PTPRD: variants seen among roughly 807,000 people sequenced by gnomAD.
PTPRD encodes the protein protein tyrosine phosphatase receptor type D, also known as receptor-type tyrosine-protein phosphatase delta.
A neutral mutation model predicts 214.5 loss-of-function variants in PTPRD; 34 were observed. The ratio of observed to expected loss-of-function variants is 0.16; its 90% confidence interval spans 0.12 to 0.21. PTPRD has a LOEUF of 0.21. PTPRD is among the 10% of genes least tolerant of loss of function. PTPRD has a pLI of 1.00. For synonymous variants in PTPRD, 1,128 were observed against 845.7 expected (o/e 1.33, Z -5.79); for missense variants, 2,545 against 2,398.7 (o/e 1.06, Z -1.27).
At position 8,733,797 on chromosome 9, in the gene PTPRD, A is replaced by G. The variant is rs1369593798; in HGVS notation, c.47T>C (p.Leu16Pro). Residue 16 changes from leucine (L) to proline (P), a missense_variant, in exon 12 of 46, where the codon CTC (leucine) becomes CCC (proline). Transcript: ENST00000381196. ...RLLLLLLTFF[L>P]RTDAETPPRF... is the part of the protein sequence containing the mutation. Reference sequence around the variant, plus strand: ...TGGCTTACTCTCAGCATCCGTGCGGAGGAAGAAAGTGAGGAGCAGCAGCAG... The same window carrying G: ...TGGCTTACTCTCAGCATCCGTGCGGGGGAAGAAAGTGAGGAGCAGCAGCAG... 6.4e-7 allele frequency: 1 copy of G among 1,553,014 alleles called. No homozygotes were observed. Among genetic ancestry groups the G allele is most frequent in the Non-Finnish European group, 8.7e-7 (1 of 1,147,662 alleles).
intron 5 of PTPRD, among the ~76,000 whole-genome samples, chr9:9,921,423 AAAT>A (rs1417778737): frequency 5.3e-5 from 8 of 152,080 alleles, no homozygotes; most frequent in South Asian, 4.2e-4. Context: ...CAGTATCTCA[AAAT>A]AATAATGATT....
chr9:9,906,621 G>T (rs1438228839), intron 5 of PTPRD, among the ~76,000 whole-genome samples: 1 of 151,796 alleles, frequency 6.6e-6, no homozygotes, highest in Non-Finnish European at 1.5e-5. Flanking sequence ...ATTCCAAAGA[G>T]AATTCATTTA....
In PTPRD at chr9:8,460,540, G is replaced by C. The variant is rs926439524; in HGVS notation, c.3746C>G (p.Pro1249Arg). The change falls in exon 33 of 46, where the codon CCC becomes CGC. Residue 1249 changes from proline (P) to arginine (R), a missense_variant. Physicochemically the swap from Pro to Arg is moderately radical, Grantham distance 103. Transcript: ENST00000381196. ...KMYATSPYSDPVVSMDLDPQP... is the reference protein window; with the variant it reads ...KMYATSPYSDRVVSMDLDPQP... ...CGGATCCAGATCCATTGACACCACG[G>C]GGTCGGAGTAAGGGCTGGTTGCATA... The C allele has an allele frequency of 6.8e-6, 11 of 1,613,296 alleles. No homozygotes were observed. The highest frequency in any genetic ancestry group is 8.5e-6 in the Non-Finnish European group (10 of 1,179,584).
intron 11 of PTPRD, among the ~76,000 whole-genome samples, chr9:9,005,107 G>C (rs937153117): frequency 6.6e-6 from 1 of 151,996 alleles, no homozygotes; most frequent in African/African-American, 2.4e-5. Context: ...AAATAGTTTT[G>C]CTATGGCTAT....
At chr9:10,313,296 G>A (rs1196138101) in intron 3 of PTPRD, among the ~76,000 whole-genome samples, 1 of 151,524 alleles carries the variant, frequency 6.6e-6, no homozygotes, top group Non-Finnish European at 1.5e-5. Context: ...ATAGGTTGCT[G>A]TAGCTCATAA....
intron 2 of PTPRD, among the ~76,000 whole-genome samples, chr9:10,446,044 C>A (rs1432222053): frequency 6.6e-6 from 1 of 151,930 alleles, no homozygotes; most frequent in Non-Finnish European, 1.5e-5. Flanking sequence ...AACACAGGAT[C>A]CAGTATCATT....
At chr9:8,578,422 C>G (rs962339264) in intron 14 of PTPRD, among the ~76,000 whole-genome samples, 1 of 151,988 alleles carries the variant, frequency 6.6e-6, no homozygotes, top group Non-Finnish European at 1.5e-5. Context: ...TAAAACATTT[C>G]GTATATAACT....
chr9:10,504,115 C>CAACAAAAAAAAAAAAAAAAAAAAAA (rs1555439817), intron 2 of PTPRD, among the ~76,000 whole-genome samples: 1 of 26,970 alleles, frequency 3.7e-5, no homozygotes, highest in African/African-American at 1.8e-4. Context: ...GACTCTGTCT[C>CAACAAAAAAAAAAAAAAAAAAAAAA]AAAAAAAAAA....
At chr9:10,198,176 A>C (rs1472644730) in intron 3 of PTPRD, among the ~76,000 whole-genome samples, 3 of 152,156 alleles carry the variant, frequency 2.0e-5, no homozygotes, top group African/African-American at 4.8e-5. Flanking sequence ...AAAGAGAAAT[A>C]GTTGGAAGGA....
intron 9 of PTPRD, among the ~76,000 whole-genome samples, chr9:9,343,682 T>C (rs1215909844): frequency 6.6e-6 from 1 of 152,026 alleles, no homozygotes; most frequent in Admixed American, 6.6e-5. Flanking sequence ...AGCAGTGCTA[T>C]GAAAAATGTT....
chr9:8,997,045 G>C (rs537899998), intron 11 of PTPRD, among the ~76,000 whole-genome samples: 1 of 152,186 alleles, frequency 6.6e-6, no homozygotes, highest in Non-Finnish European at 1.5e-5. Context: ...TTCTTCCTCA[G>C]TTTCCTGCAC....
rs1028533545 is a variant in PTPRD at position 8,689,692 on chromosome 9, G to T, written c.64+44088C>A. 2.6e-5 allele frequency among the ~76,000 whole-genome samples: 4 copies of T among 152,224 alleles called. No individual in the cohort carries two copies. The East Asian group carries it at 7.7e-4, about 29-fold the overall frequency. On this transcript the variant is annotated intron_variant, in intron 12 of 45. Coordinates refer to ENST00000381196, the MANE Select transcript of PTPRD (RefSeq NM_002839.4). ...GGAGTACAATTCAAGATGAGATTTGGGTGGGGACACAGCCAAACCATATCA... is the reference window on the plus strand; with the variant it reads ...GGAGTACAATTCAAGATGAGATTTGTGTGGGGACACAGCCAAACCATATCA...
At chr9:9,929,451 T>G (rs1042894637) in intron 5 of PTPRD, among the ~76,000 whole-genome samples, 4 of 152,202 alleles carry the variant, frequency 2.6e-5, no homozygotes, top group Non-Finnish European at 5.9e-5. Context: ...TGAAGTGCAG[T>G]GGCGTGATCT....
intron 9 of PTPRD, among the ~76,000 whole-genome samples, chr9:9,196,335 T>C (rs145646171): frequency 4.5e-4 from 68 of 152,286 alleles, no homozygotes; most frequent in African/African-American, 1.6e-3. Context: ...TTTATATGTA[T>C]TAAACACCAT....
intron 2 of PTPRD, among the ~76,000 whole-genome samples, chr9:10,559,511 C>A (rs916993697): frequency 2.6e-5 from 4 of 152,076 alleles, no homozygotes; most frequent in Non-Finnish European, 5.9e-5. Flanking sequence ...ACTAAGCTTT[C>A]TTTCTGAATC....
chr9:9,988,775 C>A (rs1205961006), intron 4 of PTPRD, among the ~76,000 whole-genome samples: 1 of 151,842 alleles, frequency 6.6e-6, no homozygotes, highest in East Asian at 1.9e-4. Flanking sequence ...AAGATACATA[C>A]ATTTATTTTC....
intron 5 of PTPRD, among the ~76,000 whole-genome samples, chr9:9,844,922 C>G (rs1292689938): frequency 6.6e-6 from 1 of 151,012 alleles, no homozygotes; most frequent in Admixed American, 6.6e-5. Context: ...ACTTGTAACA[C>G]AGACATTGTG....
intron 9 of PTPRD, among the ~76,000 whole-genome samples, chr9:9,184,976 G>C (rs963766862): frequency 1.3e-5 from 2 of 152,046 alleles, no homozygotes; most frequent in South Asian, 2.1e-4. Context: ...AGAGCTCACA[G>C]CAAGTGGAAC....
At chr9:8,423,307 A>G (rs1217635043) in intron 35 of PTPRD, among the ~76,000 whole-genome samples, 1 of 152,188 alleles carries the variant, frequency 6.6e-6, no homozygotes, top group African/African-American at 2.4e-5. Context: ...AGCAAACAAA[A>G]CAATAATAAC....
Sources: gnomAD v4.1 joint callset for allele counts (sites outside exome capture counted in the v4.1 genomes callset) on GRCh38, gnomAD v4.1.1 for gene constraint, MANE v1.5 for transcripts, NCBI Gene and HGNC (gene_info 2026-07-23, HGNC 2026-07-21) for gene names.